SCRN1: variants seen among roughly 807,000 people sequenced by gnomAD.
SCRN1 encodes the protein secernin-1.
A neutral mutation model predicts 43.3 loss-of-function variants in SCRN1; 19 were observed. The observed-to-expected ratio is 0.44, with a 90% confidence interval of 0.31 to 0.64. The LOEUF is 0.64. Among genes scored for constraint, SCRN1 ranks in the 30% least tolerant of loss-of-function variants. The pLI, the probability that SCRN1 is intolerant of heterozygous loss-of-function variation, is 0.09. For synonymous variants in SCRN1, 183 were observed against 188.9 expected (o/e 0.97, Z 0.26); for missense variants, 447 against 524.1 (o/e 0.85, Z 1.44).
At chr7:29,962,170 TTAAA>T (rs1341853797) in intron 2 of SCRN1, among the ~76,000 whole-genome samples, 3 of 148,704 alleles carry the variant, frequency 2.0e-5, no homozygotes, top group African/African-American at 7.3e-5. Context: ...ACTGTAATTA[TTAAA>T]TAATATAATT....
Position 29,978,960 on chromosome 7 carries a change from C to G in SCRN1, c.-1-9892G>C, listed in dbSNP as rs112008203. Among the ~76,000 whole-genome samples, 376 of 152,336 alleles carry G rather than the reference C, an allele frequency of 2.5e-3. 1 individual carries two copies. The highest frequency in any genetic ancestry group is 0.017 in the Middle Eastern group (5 of 294). On this transcript the variant is annotated intron_variant, in intron 1 of 7. Transcript: ENST00000242059. ...TCAACGGAATGTTGTGCTTCAAAAC[C>G]TACATTTATTCATAGGTAACTAATC...
intron 5 of SCRN1, among the ~76,000 whole-genome samples, chr7:29,939,265 G>A (rs1219376176): frequency 6.6e-6 from 1 of 152,030 alleles, no homozygotes; most frequent in East Asian, 1.9e-4. Context: ...CCAGGCTGGA[G>A]TGAGGTGGTG....
At chr7:29,969,620 C>T (rs969111291) in intron 1 of SCRN1, among the ~76,000 whole-genome samples, 4 of 152,148 alleles carry the variant, frequency 2.6e-5, no homozygotes, top group East Asian at 1.9e-4. Flanking sequence ...TTTGGTTTTC[C>T]GTCCACCTCC....
At chr7:29,974,681 CTTTCTTTTTT>C (rs1788755847) in intron 1 of SCRN1, among the ~76,000 whole-genome samples, 2 of 142,230 alleles carry the variant, frequency 1.4e-5, no homozygotes, top group Non-Finnish European at 3.0e-5. Flanking sequence ...TTCTTTCTTT[CTTTCTTTTTT>C]TTTTTTTTTT....
intron 2 of SCRN1, among the ~76,000 whole-genome samples, chr7:29,966,005 G>C (rs980333794): frequency 2.6e-5 from 4 of 152,024 alleles, no homozygotes; most frequent in African/African-American, 9.7e-5. Context: ...CTTTTTTAAT[G>C]CTCATGGATT....
upstream of SCRN1, chr7:29,989,847 C>A: frequency 1.2e-6 from 1 of 864,466 alleles, no homozygotes; most frequent in Non-Finnish European, 1.3e-6. Flanking sequence ...GCCCGACTCA[C>A]GTGACCGCGG....
At chr7:29,926,687 C>A in intron 6 of SCRN1, 55 bp from the exon 7 acceptor site, 2 of 1,528,180 alleles carry the variant, frequency 1.3e-6, no homozygotes, top group South Asian at 1.2e-5. Flanking sequence ...CCGGGAACAC[C>A]CAGAGACTGT....
At chr7:29,939,904 C>T (rs935345348) in intron 5 of SCRN1, among the ~76,000 whole-genome samples, 2 of 151,580 alleles carry the variant, frequency 1.3e-5, no homozygotes, top group Non-Finnish European at 2.9e-5. Flanking sequence ...AATCCCAGCA[C>T]TTTGGGAGGC....
intron 6 of SCRN1, among the ~76,000 whole-genome samples, chr7:29,933,162 G>A (rs1326235559): frequency 6.6e-6 from 1 of 152,154 alleles, no homozygotes; most frequent in Non-Finnish European, 1.5e-5. Flanking sequence ...TTACAGGCGT[G>A]AGCGGCCGCA....
At chr7:29,989,878 AC>A (rs1410137390), upstream of SCRN1, 1 of 1,015,016 alleles carries the variant, frequency 9.9e-7, no homozygotes, top group African/African-American at 1.8e-5. Context: ...CGCCTCCCCC[AC>A]CCCGGCCCCC....
chr7:29,926,443 C>T lies in SCRN1; in HGVS notation c.1086+9G>A, dbSNP rs1165522364. On this transcript the variant is annotated intron_variant, in intron 7 of 7. Coordinates refer to ENST00000242059, the MANE Select transcript of SCRN1 (RefSeq NM_014766.5). Reference sequence around the variant, plus strand: ...CGCCTCCGCCTCTGTGGCCCTCATGCAAGCTCACCTGGTCACTTTCGATGA... The same window carrying T: ...CGCCTCCGCCTCTGTGGCCCTCATGTAAGCTCACCTGGTCACTTTCGATGA... 1.9e-6 allele frequency: 3 copies of T among 1,608,812 alleles called. No individual in the cohort carries two copies. In the Admixed American group the frequency reaches 5.0e-5, roughly 27 times the overall value.
intron 6 of SCRN1, among the ~76,000 whole-genome samples, chr7:29,935,102 A>G (rs1188917820): frequency 6.6e-6 from 1 of 152,158 alleles, no homozygotes; most frequent in Non-Finnish European, 1.5e-5. Flanking sequence ...CCTTGTACAC[A>G]CTTCATCCAT....
chr7:29,973,515 C>A (rs556344887), intron 1 of SCRN1, among the ~76,000 whole-genome samples: 39 of 152,302 alleles, frequency 2.6e-4, no homozygotes, highest in Admixed American at 3.3e-4. Flanking sequence ...AATTAAAAAG[C>A]TGATGCAACT....
intron 4 of SCRN1, among the ~76,000 whole-genome samples, chr7:29,941,405 A>T (rs921703219): frequency 5.9e-5 from 9 of 152,090 alleles, no homozygotes; most frequent in East Asian, 3.9e-4. Context: ...GGTTTTTTTT[A>T]AAAAATACAA....
intron 1 of SCRN1, among the ~76,000 whole-genome samples, chr7:29,978,107 C>T (rs1400414246): frequency 6.6e-6 from 1 of 152,190 alleles, no homozygotes; most frequent in Non-Finnish European, 1.5e-5. Flanking sequence ...CTACTTCTGA[C>T]AGTTAACTCT....
rs1787507463 is a variant in SCRN1 at position 29,940,663 on chromosome 7, G to C, written c.739+19C>G. ...GAAAGGGTATGAGAAGGAGAATCGT[G>C]AGGGAGAGACTAACTCACCTTCTTG... On this transcript the variant is annotated intron_variant, in intron 5 of 7. Transcript: ENST00000242059. The C allele has an allele frequency of 1.3e-6, 2 of 1,576,788 alleles. No homozygotes were observed. Among genetic ancestry groups the C allele is most frequent in the Non-Finnish European group, 1.7e-6 (2 of 1,166,884 alleles).
chr7:29,964,974 T>C (rs1271033394), intron 2 of SCRN1, among the ~76,000 whole-genome samples: 1 of 151,168 alleles, frequency 6.6e-6, no homozygotes, highest in East Asian at 1.9e-4. Flanking sequence ...ATATATACTG[T>C]GTCAATATTG....
intron 3 of SCRN1, among the ~76,000 whole-genome samples, chr7:29,951,596 T>C (rs1319006490): frequency 6.6e-6 from 1 of 152,216 alleles, no homozygotes. Flanking sequence ...TGGAACCAAC[T>C]TCATGAAACA....
At chr7:29,973,854 C>T (rs1477166519) in intron 1 of SCRN1, among the ~76,000 whole-genome samples, 3 of 152,002 alleles carry the variant, frequency 2.0e-5, no homozygotes, top group African/African-American at 4.8e-5. Context: ...TTCATACAGG[C>T]GAAAAACTGA....
Sources: gnomAD v4.1 joint callset for allele counts (sites outside exome capture counted in the v4.1 genomes callset) on GRCh38, gnomAD v4.1.1 for gene constraint, MANE v1.5 for transcripts, NCBI Gene and HGNC (gene_info 2026-07-23, HGNC 2026-07-21) for gene names.